AFAP1: variants seen among roughly 807,000 people sequenced by gnomAD.
AFAP1 encodes the protein actin filament-associated protein 1.
Under a neutral mutation model 93.9 loss-of-function variants are expected in AFAP1, and 75 were observed. That is an observed-to-expected ratio of 0.80 (90% confidence interval 0.66 to 0.97). The LOEUF is 0.97. Ranked by LOEUF, AFAP1 falls within the 50% of genes least tolerant of loss-of-function variation. The pLI, the probability that AFAP1 is intolerant of heterozygous loss-of-function variation, is 0.00. For synonymous variants in AFAP1, 517 were observed against 430.7 expected (o/e 1.20, Z -2.48); for missense variants, 1,201 against 1,050.8 (o/e 1.14, Z -1.98).
At chr4:7,900,196 G>A (rs887075129) in intron 1 of AFAP1, among the ~76,000 whole-genome samples, 4 of 152,118 alleles carry the variant, frequency 2.6e-5, no homozygotes, top group Non-Finnish European at 4.4e-5. Flanking sequence ...AAAAATCTGC[G>A]ATCCTGCAAG....
chr4:7,892,477 G>T lies in AFAP1; in HGVS notation c.-2-20397C>A, dbSNP rs565870223. Among the ~76,000 whole-genome samples, 9 of 152,330 alleles carry T rather than the reference G, an allele frequency of 5.9e-5. 1 individual carries two copies. The South Asian group carries it at 1.7e-3, about 28-fold the overall frequency. Reference sequence around the variant, plus strand: ...TGGGGGAGGGGCAGCCCACAGAAACGGGGAGGTGGGAATCATTGGACCTGC... The same window carrying T: ...TGGGGGAGGGGCAGCCCACAGAAACTGGGAGGTGGGAATCATTGGACCTGC... On this transcript the variant is annotated intron_variant, in intron 1 of 17. Transcript: ENST00000420658.
chr4:7,768,812 AC>A, intron 17 of AFAP1, 31 bp downstream of exon 17: 1 of 1,530,952 alleles, frequency 6.5e-7, no homozygotes, highest in Non-Finnish European at 8.8e-7. Context: ...CCTGCCCAGG[AC>A]ACCCAGACAC....
At chr4:7,843,386 T>A in intron 4 of AFAP1, 36 bp from the exon 5 acceptor site, 1 of 1,563,918 alleles carries the variant, frequency 6.4e-7, no homozygotes, top group Non-Finnish European at 8.7e-7. Flanking sequence ...AAAAAGGACT[T>A]CTTTACCTTG....
Position 7,843,329 on chromosome 4 carries a change from C to A in AFAP1, c.356G>T (p.Ser119Ile), listed in dbSNP as rs766314353. 1 of 1,613,746 alleles carries A rather than the reference C, an allele frequency of 6.2e-7. No individual in the cohort carries two copies. The highest frequency in any genetic ancestry group is 8.5e-7 in the Non-Finnish European group (1 of 1,179,866). ...ITSNYDSDAM[S>I]SSYESYDEEE... ...TTCATCATACGACTCATAAGAGCTGCTCATCGCATCGGAATCATAATCTGT... is the reference window on the plus strand; with the variant it reads ...TTCATCATACGACTCATAAGAGCTGATCATCGCATCGGAATCATAATCTGT... The change falls in exon 5 of 18, where the codon AGC (serine) becomes ATC (isoleucine). Residue 119 changes from serine to isoleucine, a missense_variant. Physicochemically the swap from Ser to Ile is moderately radical, Grantham distance 142. Coordinates refer to ENST00000420658, the MANE Select transcript of AFAP1 (RefSeq NM_001134647.2).
intron 1 of AFAP1, among the ~76,000 whole-genome samples, chr4:7,916,082 G>A (rs527532437): frequency 2.0e-5 from 3 of 152,218 alleles, no homozygotes; most frequent in African/African-American, 7.2e-5. Context: ...TCACCCACCT[G>A]GAAGGCACTG....
At chr4:7,860,338 C>T (rs932962101) in intron 3 of AFAP1, among the ~76,000 whole-genome samples, 12 of 152,066 alleles carry the variant, frequency 7.9e-5, no homozygotes, top group Admixed American at 7.9e-4. Context: ...ACTGCTTGAG[C>T]ATCCCAAATC....
At chr4:7,860,434 T>C (rs958805001) in intron 3 of AFAP1, among the ~76,000 whole-genome samples, 1 of 152,176 alleles carries the variant, frequency 6.6e-6, no homozygotes, top group South Asian at 2.1e-4. Context: ...CATTGGACCA[T>C]TTCCAATTTC....
intron 15 of AFAP1, 32 bp downstream of exon 15, chr4:7,774,707 G>GCA: frequency 1.9e-6 from 3 of 1,606,998 alleles, no homozygotes; most frequent in Non-Finnish European, 2.5e-6. Flanking sequence ...ATACAAACAT[G>GCA]CACCCTGGGC....
At chr4:7,830,482 G>A (rs1022195776) in intron 6 of AFAP1, among the ~76,000 whole-genome samples, 6 of 152,220 alleles carry the variant, frequency 3.9e-5, no homozygotes, top group Admixed American at 2.6e-4. Flanking sequence ...ATAATTCTGA[G>A]TGAGAAAAAA....
intron 6 of AFAP1, among the ~76,000 whole-genome samples, chr4:7,836,351 C>T (rs1052425328): frequency 6.6e-6 from 1 of 152,236 alleles, no homozygotes; most frequent in African/African-American, 2.4e-5. Context: ...CTGTGAAATG[C>T]TGACAACAGG....
intron 3 of AFAP1, among the ~76,000 whole-genome samples, chr4:7,862,675 T>A (rs1715871859): frequency 1.3e-5 from 2 of 152,170 alleles, no homozygotes; most frequent in Admixed American, 1.3e-4. Flanking sequence ...TTACATAAGT[T>A]CTGGCCCTAA....
chr4:7,768,231 C>T (rs1197278847), intron 17 of AFAP1, among the ~76,000 whole-genome samples: 3 of 152,262 alleles, frequency 2.0e-5, no homozygotes, highest in Non-Finnish European at 2.9e-5. Context: ...CAGCACTTTC[C>T]GCTGCTGCCG....
intron 14 of AFAP1, chr4:7,778,507 C>G: frequency 3.7e-6 from 2 of 547,420 alleles, no homozygotes; most frequent in Non-Finnish European, 3.3e-6. Context: ...TCACAACTGC[C>G]TCCTATTTTA....
chr4:7,803,060 C>G (rs980781422), intron 9 of AFAP1, among the ~76,000 whole-genome samples: 2 of 152,176 alleles, frequency 1.3e-5, no homozygotes, highest in African/African-American at 4.8e-5. Flanking sequence ...TCTAGAGTAA[C>G]CACTCATGCT....
intron 1 of AFAP1, among the ~76,000 whole-genome samples, chr4:7,912,992 C>T (rs1408012010): frequency 6.6e-6 from 1 of 152,100 alleles, no homozygotes; most frequent in Non-Finnish European, 1.5e-5. Flanking sequence ...GGACCACAGG[C>T]AGGTGGCACC....
At position 7,759,763 on chromosome 4, in the gene AFAP1, C is replaced by G. The variant is rs868769201; in HGVS notation, c.*4002G>C. 2.0e-4 allele frequency: 30 copies of G among 152,334 alleles called. No individual in the cohort carries two copies. The highest frequency in any genetic ancestry group is 5.3e-4 in the African/African-American group (22 of 41,462). 9.4% of individuals were successfully genotyped at this position (152,334 alleles called of 1,614,324 possible). On this transcript the variant is annotated 3_prime_UTR_variant, in exon 18 of 18. Coordinates refer to ENST00000420658, the MANE Select transcript of AFAP1 (RefSeq NM_001134647.2). ...CCTGGAGACCTCCAGTGCTGTGTTC[C>G]CAGAAGAGGCTGTTTCAAGGATGGA...
chr4:7,899,484 C>A (rs1190514561), intron 1 of AFAP1, among the ~76,000 whole-genome samples: 1 of 152,170 alleles, frequency 6.6e-6, no homozygotes, highest in East Asian at 1.9e-4. Flanking sequence ...AAATTATCTT[C>A]CCTCGAGAAA....
At chr4:7,896,886 CAT>C (rs1485910031) in intron 1 of AFAP1, among the ~76,000 whole-genome samples, 2 of 151,728 alleles carry the variant, frequency 1.3e-5, no homozygotes, top group Non-Finnish European at 2.9e-5. Flanking sequence ...CCCGGCAGCA[CAT>C]GATGCCTGGC....
At chr4:7,930,184 G>A (rs892957035) in intron 1 of AFAP1, among the ~76,000 whole-genome samples, 3 of 152,178 alleles carry the variant, frequency 2.0e-5, no homozygotes, top group Admixed American at 6.5e-5. Flanking sequence ...AATAGAACAC[G>A]GGAACAGCCA....
Sources: allele counts gnomAD v4.1 joint callset (sites outside exome capture counted in the v4.1 genomes callset), GRCh38; gene constraint gnomAD v4.1.1; transcripts MANE v1.5; gene names NCBI Gene and HGNC (gene_info 2026-07-23, HGNC 2026-07-21).